SGTB: variants seen among roughly 807,000 people sequenced by gnomAD.
The protein encoded by SGTB is small glutamine rich tetratricopeptide repeat co-chaperone beta, also known as small glutamine-rich tetratricopeptide repeat-containing protein beta.
Under a neutral mutation model 43.9 loss-of-function variants are expected in SGTB, and 19 were observed. That is an observed-to-expected ratio of 0.43 (90% CI 0.30 to 0.63). The LOEUF is 0.63. SGTB is among the 30% of genes least tolerant of loss of function. The probability of loss-of-function intolerance (pLI) is 0.12; values close to 1 mark genes in which losing one functional copy is unlikely to be tolerated. For missense variants in SGTB, 304 were observed against 358.9 expected, an observed-to-expected ratio of 0.85 and a Z score of 1.24; for synonymous variants, 116 against 117.3, an observed-to-expected ratio of 0.99 and a Z score of 0.07.
Position 65,670,063 on chromosome 5 carries a change from G to T in SGTB, c.*183C>A. On this transcript the variant is annotated 3_prime_UTR_variant, in exon 11 of 11. Coordinates refer to ENST00000381007, the MANE Select transcript of SGTB (RefSeq NM_019072.3). Reference sequence around the variant, plus strand: ...CATGTTATGTTTTGAGTTTGTTTGTGATAAACCTATTGTCTAAACAGATTT... The same window carrying T: ...CATGTTATGTTTTGAGTTTGTTTGTTATAAACCTATTGTCTAAACAGATTT... The T allele has an allele frequency of 1.9e-6, 1 of 527,102 alleles. No individual in the cohort carries two copies. Among genetic ancestry groups the T allele is most frequent in the Non-Finnish European group, 3.3e-6 (1 of 301,342 alleles). 32.7% of individuals were successfully genotyped at this position (527,102 alleles called of 1,614,324 possible).
chr5:65,674,998 A>G (rs1757238727), intron 8 of SGTB, among the ~76,000 whole-genome samples: 1 of 152,208 alleles, frequency 6.6e-6, no homozygotes. Context: ...TGCAAGACAC[A>G]TTTTTTGAAG....
intron 10 of SGTB, 95 bp downstream of exon 10, chr5:65,671,819 TA>T: frequency 9.0e-7 from 1 of 1,108,752 alleles, no homozygotes; most frequent in Non-Finnish European, 1.3e-6. Context: ...CGGTAAAAGA[TA>T]AACATTTAAA....
chr5:65,669,557 T>C lies in SGTB; in HGVS notation c.*689A>G, dbSNP rs1025623722. On this transcript the variant is annotated 3_prime_UTR_variant, in exon 11 of 11. Coordinates refer to ENST00000381007, the MANE Select transcript of SGTB (RefSeq NM_019072.3). ...ACTGCAGACAAGATTAGTTAAGAAC[T>C]ATGCAGAAAACCTGAGCATCCTACC... 6.6e-6 allele frequency: 1 copy of C among 152,258 alleles called. No homozygotes were observed. Among genetic ancestry groups the C allele is most frequent in the Non-Finnish European group, 1.5e-5 (1 of 68,036 alleles). The allele number at this position is 152,258 out of a possible 1,614,324, so 9.4% of individuals were successfully genotyped here. A position where few individuals can be genotyped will look rare whatever the true frequency, so the allele number is the denominator to read the frequency against.
intron 2 of SGTB, among the ~76,000 whole-genome samples, chr5:65,715,923 C>A (rs1352171145): frequency 6.6e-6 from 1 of 152,234 alleles, no homozygotes; most frequent in Non-Finnish European, 1.5e-5. Context: ...ACGTGTGCCA[C>A]CACGCCTGGC....
chr5:65,675,406 A>T (rs2150703601), intron 8 of SGTB, among the ~76,000 whole-genome samples: 1 of 152,312 alleles, frequency 6.6e-6, no homozygotes, highest in Admixed American at 6.5e-5. Flanking sequence ...TTAACCTTTC[A>T]TATATTGGCA....
intron 5 of SGTB, among the ~76,000 whole-genome samples, chr5:65,693,667 C>G (rs1456298623): frequency 6.6e-6 from 1 of 152,236 alleles, no homozygotes; most frequent in South Asian, 2.1e-4. Context: ...ATTCAGCTGA[C>G]TTTTGTGGAA....
intron 8 of SGTB, among the ~76,000 whole-genome samples, chr5:65,675,345 T>C (rs1757246953): frequency 1.3e-5 from 2 of 152,204 alleles, no homozygotes; most frequent in South Asian, 4.2e-4. Flanking sequence ...ATACTCAAAC[T>C]GCAGATGTTA....
chr5:65,682,183 A>G (rs1302408287), intron 6 of SGTB, among the ~76,000 whole-genome samples: 1 of 152,214 alleles, frequency 6.6e-6, no homozygotes, highest in African/African-American at 2.4e-5. Context: ...AAATAGCAGT[A>G]AACAGAAAGG....
intron 3 of SGTB, 84 bp from the exon 4 acceptor site, chr5:65,708,642 C>A: frequency 9.5e-7 from 1 of 1,050,088 alleles, no homozygotes; most frequent in Non-Finnish European, 1.3e-6. Flanking sequence ...AATAAATTAC[C>A]CACATTTTAA....
chr5:65,713,183 G>C (rs528344509), intron 2 of SGTB, 119 bp from the exon 3 acceptor site: 4 of 677,014 alleles, frequency 5.9e-6, no homozygotes, highest in Non-Finnish European at 9.7e-6. Context: ...AGAACATAAG[G>C]AAAACATTGG....
chr5:65,712,885 C>T (rs1298980183), intron 3 of SGTB, 76 bp downstream of exon 3: 4 of 1,106,352 alleles, frequency 3.6e-6, no homozygotes, highest in Admixed American at 1.9e-5. Context: ...TATACCTGGC[C>T]CCTCAGCTAT....
At chr5:65,702,917 C>T (rs1409105803) in intron 5 of SGTB, among the ~76,000 whole-genome samples, 1 of 152,152 alleles carries the variant, frequency 6.6e-6, no homozygotes, top group African/African-American at 2.4e-5. Context: ...CATTTGCATA[C>T]TTAGTGCTGA....
At chr5:65,711,737 T>C (rs1213255725) in intron 3 of SGTB, among the ~76,000 whole-genome samples, 1 of 152,226 alleles carries the variant, frequency 6.6e-6, no homozygotes, top group Non-Finnish European at 1.5e-5. Context: ...ACTGCCAAGT[T>C]GCCATCTTCA....
chr5:65,698,968 T>C (rs1280839390), intron 5 of SGTB, among the ~76,000 whole-genome samples: 1 of 152,062 alleles, frequency 6.6e-6, no homozygotes, highest in Non-Finnish European at 1.5e-5. Flanking sequence ...TGGAAAACAG[T>C]ATGGAGATTT....
intron 2 of SGTB, 41 bp from the exon 3 acceptor site, chr5:65,713,105 TAA>T (rs776432788): frequency 4.9e-5 from 72 of 1,466,340 alleles, no homozygotes; most frequent in Non-Finnish European, 6.4e-5. Context: ...TTAGCAATTT[TAA>T]AAAAGAAACA....
intron 5 of SGTB, among the ~76,000 whole-genome samples, chr5:65,693,425 G>A (rs1757657018): frequency 1.4e-5 from 2 of 147,948 alleles, no homozygotes; most frequent in South Asian, 2.1e-4. Flanking sequence ...GAGAGAGAGA[G>A]GGAAGGAAGG....
chr5:65,690,777 G>C lies in SGTB; in HGVS notation c.375-5305C>G, dbSNP rs139745371. ...CACTCTCATCCTATAGGGGATGGGT[G>C]AGAATGGGGTAGATGGGATAGAAAT... is the stretch of plus-strand genomic sequence containing the variant. On this transcript the variant is annotated intron_variant, in intron 5 of 10. Transcript: ENST00000381007. Among the ~76,000 whole-genome samples, 205 of 152,320 alleles carry C rather than the reference G, an allele frequency of 1.3e-3. 1 individual carries two copies. Among genetic ancestry groups the C allele is most frequent in the Admixed American group, 3.6e-3 (55 of 15,296 alleles).
intron 5 of SGTB, among the ~76,000 whole-genome samples, chr5:65,689,050 T>A (rs1173783129): frequency 6.6e-6 from 1 of 152,208 alleles, no homozygotes; most frequent in Non-Finnish European, 1.5e-5. Flanking sequence ...GACCTCGTGA[T>A]CTGTCTGCCT....
rs1757106328 is a variant in SGTB at position 65,669,256 on chromosome 5, C to T, written c.*990G>A. On this transcript the variant is annotated 3_prime_UTR_variant, in exon 11 of 11. Coordinates refer to ENST00000381007, the MANE Select transcript of SGTB (RefSeq NM_019072.3). ...TTAGTGATAGATGCTTTTTGTTATC[C>T]ATCAAATAATTACTAAGTTTTCTTT... The T allele has an allele frequency of 6.6e-6, 1 of 151,990 alleles. No homozygotes were observed. Among genetic ancestry groups the T allele is most frequent in the South Asian group, 2.1e-4 (1 of 4,826 alleles). 9.4% of individuals were successfully genotyped at this position (151,990 alleles called of 1,614,324 possible).
Sources: allele counts gnomAD v4.1 joint callset (sites outside exome capture counted in the v4.1 genomes callset), GRCh38; gene constraint gnomAD v4.1.1; transcripts MANE v1.5; gene names NCBI Gene and HGNC (gene_info 2026-07-23, HGNC 2026-07-21).